Variants in CDCP1 observed in about 807,000 individuals in gnomAD.
CDCP1 encodes CUB domain containing protein 1.
A neutral mutation model predicts 60.2 loss-of-function variants in CDCP1; 29 were observed. The observed-to-expected ratio is 0.48, with a 90% CI of 0.36 to 0.66. CDCP1 has a LOEUF of 0.66. Ranked by LOEUF, CDCP1 falls within the 30% of genes least tolerant of loss-of-function variation. The probability of loss-of-function intolerance (pLI) is 0.00; values close to 1 mark genes in which losing one functional copy is unlikely to be tolerated. For synonymous variants in CDCP1, 387 were observed against 431.1 expected, an observed-to-expected ratio of 0.90 and a Z score of 1.27; for missense variants, 876 against 1,074.3, an observed-to-expected ratio of 0.82 and a Z score of 2.58.
At chr3:45,106,116 C>T (rs906414188) in intron 4 of CDCP1, among the ~76,000 whole-genome samples, 3 of 152,166 alleles carry the variant, frequency 2.0e-5, no homozygotes, top group Non-Finnish European at 4.4e-5. Context: ...TTTGAACCTA[C>T]CTGATGTTTC....
At chr3:45,146,094 G>T in intron 1 of CDCP1, 112 bp downstream of exon 1, 1 of 934,900 alleles carries the variant, frequency 1.1e-6, no homozygotes. Context: ...CCCTCTCTCC[G>T]CACCCTCCGC....
At chr3:45,124,054 C>A (rs1439105705) in intron 1 of CDCP1, among the ~76,000 whole-genome samples, 1 of 152,180 alleles carries the variant, frequency 6.6e-6, no homozygotes. Flanking sequence ...TGAGCATCTG[C>A]CTCACCAGCT....
At chr3:45,100,676 T>C (rs575343583) in intron 4 of CDCP1, among the ~76,000 whole-genome samples, 2 of 152,324 alleles carry the variant, frequency 1.3e-5, no homozygotes, top group African/African-American at 4.8e-5. Context: ...TACAAAAAAA[T>C]TGTACCTTAA....
At chr3:45,107,466 A>C (rs1192940575) in intron 4 of CDCP1, among the ~76,000 whole-genome samples, 1 of 151,958 alleles carries the variant, frequency 6.6e-6, no homozygotes, top group Non-Finnish European at 1.5e-5. Flanking sequence ...TCGGCCTCTG[A>C]AAGTGCTGGG....
At chr3:45,138,095 T>A (rs1699219967) in intron 1 of CDCP1, among the ~76,000 whole-genome samples, 2 of 152,204 alleles carry the variant, frequency 1.3e-5, no homozygotes. Context: ...CTCATTCCCA[T>A]CTCAAATGTA....
At position 45,091,186 on chromosome 3, in the gene CDCP1, G is replaced by T. The variant is rs372942231; in HGVS notation, c.1980C>A (p.Thr660=). 6.2e-7 allele frequency: 1 copy of T among 1,612,956 alleles called. No homozygotes were observed. Among genetic ancestry groups the T allele is most frequent in the Non-Finnish European group, 8.5e-7 (1 of 1,179,650 alleles). The part of the protein sequence containing the change: ...QLDLLFSVTL[T]PRTVDLTVIL... ...GAAGGCCCTTACCCACAGTCCTTGG[G>T]GTAAGTGTCACCGAGAAGAGCAGGT... The change falls in exon 7 of 9, where the codon ACC becomes ACA. Residue 660 remains threonine (T), a synonymous_variant. Transcript: ENST00000296129. This position sits in a 1 kb window ranked among gnomAD's most constrained non-coding sequence, Gnocchi z 4.8.
At chr3:45,111,748 T>C (rs1462153000) in intron 3 of CDCP1, among the ~76,000 whole-genome samples, 5 of 152,224 alleles carry the variant, frequency 3.3e-5, no homozygotes, top group African/African-American at 1.2e-4. Flanking sequence ...TGCACATCAC[T>C]GATACGTTTA....
Position 45,146,227 on chromosome 3 carries a change from C to T in CDCP1, c.61G>A (p.Ala21Thr). ...ALLGVLLLGA[A>T]RLPRGAEAFE... ...TCACCTGCCCCGCGCGGCAGGCGCG[C>T]CGCACCCAGCAGCAGAACCCCTAGC... The change falls in exon 1 of 9, where the codon GCG becomes ACG. Residue 21 changes from alanine (A) to threonine (T), a missense_variant. By Grantham distance (58) the Ala-to-Thr change is moderately conservative. Around this residue, in one of 2 missense-constraint regions of CDCP1, gnomAD observed 150 missense variants for 138.6 expected, o/e 1.08. Transcript: ENST00000296129. The T allele has an allele frequency of 1.3e-6, 2 of 1,597,054 alleles. No individual in the cohort carries two copies. The highest frequency in any genetic ancestry group is 8.5e-7 in the Non-Finnish European group (1 of 1,173,980).
chr3:45,118,414 A>G lies in CDCP1; in HGVS notation c.290T>C (p.Ile97Thr), dbSNP rs1465087808. Reference sequence around the variant, plus strand: ...ACAGCTCACAAGTGTCTACTTACCAATATTTTTCTGGATCTCTATGACAAA... The same window carrying G: ...ACAGCTCACAAGTGTCTACTTACCAGTATTTTTCTGGATCTCTATGACAAA... ...NHFVIEIQKN[I>T]DCMSGPCPFG... Residue 97 changes from isoleucine to threonine, a missense_variant and splice_region_variant, in exon 2 of 9, where the codon ATT (isoleucine) becomes ACT (threonine). By Grantham distance (89) the Ile-to-Thr change is moderately conservative. Coordinates refer to ENST00000296129, the MANE Select transcript of CDCP1 (RefSeq NM_022842.5). The G allele has an allele frequency of 1.2e-6, 2 of 1,611,546 alleles. No individual in the cohort carries two copies. The highest frequency in any genetic ancestry group is 1.3e-5 in the African/African-American group (1 of 74,886).
rs1418602464 is a variant in CDCP1 at position 45,085,566 on chromosome 3, G to T, written c.*72C>A. 8.3e-6 allele frequency: 12 copies of T among 1,443,760 alleles called. No individual in the cohort carries two copies. The highest frequency in any genetic ancestry group is 1.1e-5 in the Non-Finnish European group (12 of 1,061,006). The allele number at this position is 1,443,760 out of a possible 1,614,324, so 89.4% of individuals were successfully genotyped here. A position where few individuals can be genotyped will look rare whatever the true frequency, so the allele number is the denominator to read the frequency against. ...ATAATTCCTCTTCTTTAGGATTTCTGGTTAGGAACACGGACGGGTGTCTCA... is the reference window on the plus strand; with the variant it reads ...ATAATTCCTCTTCTTTAGGATTTCTTGTTAGGAACACGGACGGGTGTCTCA... On this transcript the variant is annotated 3_prime_UTR_variant, in exon 9 of 9. Coordinates refer to ENST00000296129, the MANE Select transcript of CDCP1 (RefSeq NM_022842.5). This position sits in a 1 kb window ranked among gnomAD's most constrained non-coding sequence, Gnocchi z 4.2.
chr3:45,093,436 T>TG lies in CDCP1; in HGVS notation c.1467dup (p.Ser490GlnfsTer63). 1 of 1,614,144 alleles carries TG rather than the reference T, an allele frequency of 6.2e-7. No homozygotes were observed. Among genetic ancestry groups the TG allele is most frequent in the Non-Finnish European group, 8.5e-7 (1 of 1,179,990 alleles). Reference sequence around the variant, plus strand: ...AAGGAGCCGAAGTACAGGTCCTGGCTGGGTATGGCACTGGCCACGAGGTAG... The same window carrying TG: ...AAGGAGCCGAAGTACAGGTCCTGGCTGGGGTATGGCACTGGCCACGAGGTAG... On this transcript the variant is annotated frameshift_variant, in exon 6 of 9. Transcript: ENST00000296129. LOFTEE classifies it high-confidence loss of function.
chr3:45,082,517 G>GT lies in CDCP1; in HGVS notation c.*3120dup, dbSNP rs1698120067. ...GAAGCACTTAAACAGCTTGATACTT[G>GT]TTTTTTGGTACATTTGTTTATTTAA... On this transcript the variant is annotated 3_prime_UTR_variant, in exon 9 of 9. Coordinates refer to ENST00000296129, the MANE Select transcript of CDCP1 (RefSeq NM_022842.5). 1.3e-5 allele frequency: 2 copies of GT among 152,114 alleles called. No individual in the cohort carries two copies. The allele number at this position is 152,114 out of a possible 1,614,324, so 9.4% of individuals were successfully genotyped here.
At chr3:45,124,174 C>G (rs1698934326) in intron 1 of CDCP1, among the ~76,000 whole-genome samples, 2 of 152,316 alleles carry the variant, frequency 1.3e-5, no homozygotes, top group South Asian at 4.1e-4. Context: ...TTTCTTCTCC[C>G]TGCCATCCTA....
chr3:45,087,460 T>C (rs1340662257), intron 8 of CDCP1, among the ~76,000 whole-genome samples: 1 of 152,182 alleles, frequency 6.6e-6, no homozygotes, highest in Non-Finnish European at 1.5e-5. Flanking sequence ...ATAAGGAACC[T>C]GGGGCCCAGT....
intron 5 of CDCP1, among the ~76,000 whole-genome samples, chr3:45,094,491 C>A (rs1023172074): frequency 5.3e-5 from 8 of 152,096 alleles, no homozygotes; most frequent in Non-Finnish European, 7.4e-5. Context: ...GATAACCTGA[C>A]CTCAAGTTAT....
chr3:45,141,958 C>T (rs568739384), intron 1 of CDCP1, among the ~76,000 whole-genome samples: 23 of 152,100 alleles, frequency 1.5e-4, no homozygotes, highest in African/African-American at 3.9e-4. Flanking sequence ...CAGCATCCTG[C>T]GTAGCTGGGA....
chr3:45,115,484 G>A (rs1419496444), intron 2 of CDCP1, among the ~76,000 whole-genome samples: 1 of 152,118 alleles, frequency 6.6e-6, no homozygotes, highest in Non-Finnish European at 1.5e-5. Context: ...AAGCTGCATT[G>A]TTTTTAATGG....
intron 1 of CDCP1, among the ~76,000 whole-genome samples, chr3:45,132,222 G>A (rs950145829): frequency 7.0e-6 from 1 of 143,030 alleles, no homozygotes; most frequent in East Asian, 2.0e-4. Context: ...GCGACACAGT[G>A]AGACTCCGTC....
At chr3:45,126,108 C>CTCTTTCTTTCCTTCCTTCTTTCTT (rs1553610966) in intron 1 of CDCP1, among the ~76,000 whole-genome samples, 2 of 110,010 alleles carry the variant, frequency 1.8e-5, no homozygotes, top group African/African-American at 3.7e-5. Context: ...TTGTCTCTCT[C>CTCTTTCTTTCCTTCCTTCTTTCTT]TCTTTCTTTC....
Sources: gnomAD v4.1 joint callset for allele counts (sites outside exome capture counted in the v4.1 genomes callset) on GRCh38, gnomAD v4.1.1 for gene constraint, gnomAD v4.1.1 regional missense constraint, Gnocchi (gnomAD v3.1) non-coding constraint, MANE v1.5 for transcripts, NCBI Gene and HGNC (gene_info 2026-07-23, HGNC 2026-07-21) for gene names.